The following KDM4C variants were observed in gnomAD, a reference collection of about 807,000 sequenced individuals.
KDM4C encodes the protein lysine-specific demethylase 4C.
In KDM4C, 81 loss-of-function variants were observed where a neutral mutation model predicts 129.3. The ratio of observed to expected loss-of-function variants is 0.63; its 90% CI spans 0.52 to 0.75. The LOEUF is 0.75. Ranked by LOEUF, KDM4C falls within the 30% of genes least tolerant of loss-of-function variation. The pLI, the probability that KDM4C is intolerant of heterozygous loss-of-function variation, is 0.00. For missense variants in KDM4C, 1,457 were observed against 1,304.0 expected, an observed-to-expected ratio of 1.12 and a Z score of -1.81; for synonymous variants, 573 against 456.1, an observed-to-expected ratio of 1.26 and a Z score of -3.26.
At chr9:7,019,633 T>C (rs1824296580) in intron 15 of KDM4C, among the ~76,000 whole-genome samples, 1 of 149,404 alleles carries the variant, frequency 6.7e-6, no homozygotes. Flanking sequence ...TATATGAGAA[T>C]TGTATGTGGT....
At chr9:7,028,559 G>T (rs981785229) in intron 15 of KDM4C, among the ~76,000 whole-genome samples, 3 of 152,050 alleles carry the variant, frequency 2.0e-5, no homozygotes, top group Admixed American at 2.0e-4. Context: ...GAGGTCGGAG[G>T]TGGCACAAGT....
At position 6,735,989 on chromosome 9, in the gene KDM4C, C is replaced by T. The variant is rs114338247; in HGVS notation, c.49+14992C>T. Among the ~76,000 whole-genome samples the T allele has an allele frequency of 9.7e-3, 1,481 of 152,186 alleles. 23 individuals carry two copies. Among genetic ancestry groups the T allele is most frequent in the African/African-American group, 0.034 (1,401 of 41,514 alleles). On this transcript the variant is annotated intron_variant, in intron 1 of 17. Transcript: ENST00000536108. ...GCTGAGGTGGTCTCAGATGGAAACG[C>T]GGAACTTGCTGGGAACTGGAGCAAA... is the stretch of plus-strand genomic sequence containing the variant.
intron 8 of KDM4C, chr9:6,925,221 G>C (rs1173709370): frequency 1.8e-5 from 18 of 985,276 alleles, no homozygotes; most frequent in Non-Finnish European, 2.0e-5. Context: ...TCATGTGAGA[G>C]CTGTGGCAGA....
At chr9:6,979,418 A>C (rs1816374458) in intron 8 of KDM4C, among the ~76,000 whole-genome samples, 1 of 152,148 alleles carries the variant, frequency 6.6e-6, no homozygotes, top group Non-Finnish European at 1.5e-5. Flanking sequence ...TAGGAGGAAA[A>C]TACTGAAGTA....
At chr9:7,170,666 G>C in intron 21 of KDM4C, 6 of 972,574 alleles carry the variant, frequency 6.2e-6, no homozygotes, top group Non-Finnish European at 6.1e-6. Context: ...ATCCTAAATA[G>C]AGAAATTTGA....
intron 8 of KDM4C, among the ~76,000 whole-genome samples, chr9:6,974,144 T>C (rs140991786): frequency 6.6e-6 from 1 of 152,328 alleles, no homozygotes; most frequent in Non-Finnish European, 1.5e-5. Flanking sequence ...CAGTTTCTTA[T>C]CCATAAATTA....
rs141445371 is a variant in KDM4C at position 6,926,691 on chromosome 9, C to G, written c.921+33459C>G. Among the ~76,000 whole-genome samples, 744 of 152,268 alleles carry G rather than the reference C, an allele frequency of 4.9e-3. 3 individuals are homozygous for G. The highest frequency in any genetic ancestry group is 0.017 in the African/African-American group (688 of 41,538). On this transcript the variant is annotated intron_variant, in intron 8 of 21. Transcript: ENST00000381309. ...TGCCTCCAGGCACTGCTTATCACAG[C>G]TATGGTTTAGAGAAACGGACATTCA...
Position 6,938,388 on chromosome 9 carries a change from T to TA in KDM4C, c.922-42536dup. On this transcript the variant is annotated intron_variant, in intron 8 of 21. Transcript: ENST00000381309. ...ACTTTTTTAGGAGGATGAAAAGAAA[T>TA]AGTCTTTTGTTCTCCTCTACAGGAA... is the stretch of plus-strand genomic sequence containing the variant. Among the ~76,000 whole-genome samples, 3 of 152,226 alleles carry TA rather than the reference T, an allele frequency of 2.0e-5. No homozygotes were observed. The South Asian group carries it at 6.2e-4, about 32-fold the overall frequency.
At chr9:7,044,917 A>G (rs1829173585) in intron 15 of KDM4C, among the ~76,000 whole-genome samples, 1 of 151,970 alleles carries the variant, frequency 6.6e-6, no homozygotes, top group African/African-American at 2.4e-5. Flanking sequence ...TGAGGAGTCT[A>G]AGGGTCATGG....
rs756817337 is a variant in KDM4C, at chr9:6,986,404, A to G, written c.1415A>G (p.Tyr472Cys). The G allele has an allele frequency of 5.6e-6, 9 of 1,613,754 alleles. No individual in the cohort carries two copies. The East Asian group carries it at 6.7e-5, about 12-fold the overall frequency. ...EDIKTEDDKA[Y>C]AYRSVPSISS... ...ATAAAAACTGAGGATGACAAAGCTT[A>G]TGCATATAGAAGTGTACCTTCTATA... is the stretch of plus-strand genomic sequence containing the variant. The change falls in exon 11 of 22, where the codon TAT becomes TGT. Residue 472 changes from tyrosine to cysteine, a missense_variant. Tyr to Cys is a radical substitution (Grantham distance 194). Coordinates refer to ENST00000381309, the MANE Select transcript of KDM4C (RefSeq NM_015061.6).
At chr9:6,949,648 G>C (rs368503543) in intron 8 of KDM4C, among the ~76,000 whole-genome samples, 2 of 152,178 alleles carry the variant, frequency 1.3e-5, no homozygotes, top group African/African-American at 2.4e-5. Flanking sequence ...AGACCAGCCC[G>C]GCCAACACAG....
chr9:6,790,747 T>C (rs1365973614), intron 1 of KDM4C, among the ~76,000 whole-genome samples: 1 of 151,768 alleles, frequency 6.6e-6, no homozygotes, highest in Non-Finnish European at 1.5e-5. Flanking sequence ...CTAATGGATT[T>C]AGAAGAAGGT....
intron 1 of KDM4C, among the ~76,000 whole-genome samples, chr9:6,725,957 C>T (rs1222927125): frequency 1.8e-5 from 2 of 109,574 alleles, no homozygotes; most frequent in Admixed American, 9.2e-5. Context: ...GACAGAGTCT[C>T]GATCTGTTGC....
intron 17 of KDM4C, among the ~76,000 whole-genome samples, chr9:7,060,392 C>T (rs968474900): frequency 6.6e-6 from 1 of 150,928 alleles, no homozygotes. Flanking sequence ...GACCCAGTAG[C>T]TCCTAGGATA....
At chr9:6,998,186 C>A (rs1820112794) in intron 12 of KDM4C, among the ~76,000 whole-genome samples, 1 of 152,086 alleles carries the variant, frequency 6.6e-6, no homozygotes, top group East Asian at 1.9e-4. Flanking sequence ...TGTCTGCATG[C>A]CTTGAGGATT....
intron 18 of KDM4C, among the ~76,000 whole-genome samples, chr9:7,105,791 A>T (rs1182208263): frequency 6.6e-6 from 1 of 152,170 alleles, no homozygotes; most frequent in Non-Finnish European, 1.5e-5. Context: ...TTTAATCAGG[A>T]CCTCATTCCT....
intron 8 of KDM4C, among the ~76,000 whole-genome samples, chr9:6,899,177 A>G (rs1436663079): frequency 6.6e-6 from 1 of 151,840 alleles, no homozygotes; most frequent in Non-Finnish European, 1.5e-5. Context: ...TTTACTTTTA[A>G]GAGCATCTAT....
intron 17 of KDM4C, among the ~76,000 whole-genome samples, chr9:7,090,172 C>G (rs1270331325): frequency 6.6e-6 from 1 of 152,236 alleles, no homozygotes; most frequent in Non-Finnish European, 1.5e-5. Context: ...CACTTATAAC[C>G]TCTTCAGAGC....
intron 17 of KDM4C, among the ~76,000 whole-genome samples, chr9:7,071,481 A>T (rs1419525725): frequency 2.6e-5 from 4 of 152,200 alleles, no homozygotes; most frequent in African/African-American, 9.6e-5. Flanking sequence ...AGGACTAGAC[A>T]CATACACCTA....
Sources: allele counts gnomAD v4.1 joint callset (sites outside exome capture counted in the v4.1 genomes callset), GRCh38; gene constraint gnomAD v4.1.1; transcripts MANE v1.5; gene names NCBI Gene and HGNC (gene_info 2026-07-23, HGNC 2026-07-21).